PRLHR: variants seen among roughly 807,000 people sequenced by gnomAD.
The protein encoded by PRLHR is prolactin-releasing peptide receptor.
In PRLHR, 10 loss-of-function variants were observed where a neutral mutation model predicts 9.3. That is an observed-to-expected ratio of 1.08 (90% CI 0.66 to 1.82). PRLHR has a LOEUF of 1.82. Among genes scored for constraint, PRLHR ranks in the 40% most tolerant of loss-of-function variants. The probability of loss-of-function intolerance (pLI) is 0.00; values close to 1 mark genes in which losing one functional copy is unlikely to be tolerated. For missense variants in PRLHR, 589 were observed against 512.0 expected, an observed-to-expected ratio of 1.15 and a Z score of -1.45; for synonymous variants, 261 against 249.3, an observed-to-expected ratio of 1.05 and a Z score of -0.44.
rs115109981 is a variant in PRLHR at position 118,591,268 on chromosome 10, C to G, written c.*2864G>C. The G allele has an allele frequency of 0.041, 6,167 of 152,006 alleles. 166 individuals carry two copies. Among genetic ancestry groups the G allele is most frequent in the South Asian group, 0.063 (304 of 4,808 alleles). The allele number at this position is 152,006 out of a possible 1,614,324, so 9.4% of individuals were successfully genotyped here. A position where few individuals can be genotyped will look rare whatever the true frequency, so the allele number is the denominator to read the frequency against. On this transcript the variant is annotated 3_prime_UTR_variant, in exon 2 of 2. Coordinates refer to ENST00000239032, the MANE Select transcript of PRLHR (RefSeq NM_004248.3). ...GACCACAGGTGTGCACCACCACGTCCGGCTATTTTTTGTAGAGATGGAGTT... is the reference window on the plus strand; with the variant it reads ...GACCACAGGTGTGCACCACCACGTCGGGCTATTTTTTGTAGAGATGGAGTT...
Position 118,595,137 on chromosome 10 carries a change from G to T in PRLHR, c.108C>A (p.Asn36Lys). ...GAGCGTCCGCGCCAGCCACCGACCC[G>T]TTGCCCGCCGAGGCCTCTGCGCTCT... is the stretch of plus-strand genomic sequence containing the variant. Reference protein sequence around the residue: ...ANQSAEASAGNGSVAGADAPA... With the variant: ...ANQSAEASAGKGSVAGADAPA... Residue 36 changes from asparagine to lysine, a missense_variant, in exon 2 of 2, where the codon AAC (asparagine) becomes AAA (lysine). Physicochemically the swap from Asn to Lys is moderately conservative, Grantham distance 94 (BLOSUM62 0). Transcript: ENST00000239032. The T allele has an allele frequency of 1.3e-6, 2 of 1,598,726 alleles. No individual in the cohort carries two copies. The highest frequency in any genetic ancestry group is 1.7e-6 in the Non-Finnish European group (2 of 1,175,658).
In PRLHR at chr10:118,595,093, T is replaced by C. The variant is rs770345099; in HGVS notation, c.152A>G (p.Gln51Arg). The stretch of plus-strand genomic sequence containing the variant: ...CAGCTGATGCACCAGCTGCAGGCTC[T>C]GGAAGGGCGTGACGGCTGGAGCGTC... Reference protein sequence around the residue: ...GADAPAVTPFQSLQLVHQLKG... With the variant: ...GADAPAVTPFRSLQLVHQLKG... The change falls in exon 2 of 2, where the codon CAG (glutamine) becomes CGG (arginine). Residue 51 changes from glutamine to arginine, a missense_variant. By Grantham distance (43) the Gln-to-Arg change is conservative. Coordinates refer to ENST00000239032, the MANE Select transcript of PRLHR (RefSeq NM_004248.3). 1.3e-5 allele frequency: 21 copies of C among 1,605,410 alleles called. No individual in the cohort carries two copies. In the South Asian group the frequency reaches 2.2e-4, roughly 17 times the overall value.
Position 118,592,812 on chromosome 10 carries a change from C to T in PRLHR, c.*1320G>A, listed in dbSNP as rs1003606369. 1 of 152,180 alleles carries T rather than the reference C, an allele frequency of 6.6e-6. No individual in the cohort carries two copies. The highest frequency in any genetic ancestry group is 2.1e-4 in the South Asian group (1 of 4,826). 9.4% of individuals were successfully genotyped at this position (152,180 alleles called of 1,614,324 possible). On this transcript the variant is annotated 3_prime_UTR_variant, in exon 2 of 2. Transcript: ENST00000239032. Reference sequence around the variant, plus strand: ...TCAGTGAGCTGGGAAAGTAGTTGAACCCTACAGATGGTGACTGAGTTACTG... The same window carrying T: ...TCAGTGAGCTGGGAAAGTAGTTGAATCCTACAGATGGTGACTGAGTTACTG...
In PRLHR at chr10:118,594,351, G is replaced by T; in HGVS notation, c.894C>A (p.Asn298Lys). Residue 298 changes from asparagine to lysine, a missense_variant, in exon 2 of 2, where the codon AAC (asparagine) becomes AAA (lysine). By Grantham distance (94) the Asn-to-Lys change is moderately conservative (BLOSUM62 0). Transcript: ENST00000239032. Reference protein sequence around the residue: ...AVCWLPLHVFNLLRDLDPHAI... With the variant: ...AVCWLPLHVFKLLRDLDPHAI... Reference sequence around the variant, plus strand: ...CGTGGGGGTCGAGGTCCCGCAGCAGGTTGAAGACGTGCAGCGGCAGCCAGC... The same window carrying T: ...CGTGGGGGTCGAGGTCCCGCAGCAGTTTGAAGACGTGCAGCGGCAGCCAGC... 1 of 1,600,842 alleles carries T rather than the reference G, an allele frequency of 6.2e-7. No homozygotes were observed.
Position 118,594,262 on chromosome 10 carries a change from G to A in PRLHR, c.983C>T (p.Ala328Val), listed in dbSNP as rs370359559. The change falls in exon 2 of 2, where the codon GCC becomes GTC. Residue 328 changes from alanine (A) to valine (V), a missense_variant. By Grantham distance (64) the Ala-to-Val change is moderately conservative (BLOSUM62 0). Coordinates refer to ENST00000239032, the MANE Select transcript of PRLHR (RefSeq NM_004248.3). ...LLCHWLAMSS[A>V]CYNPFIYAWL... ...GGCGTAGATGAAGGGGTTGTAGCAGGCCGAACTCATGGCGAGCCAGTGGCA... is the reference window on the plus strand; with the variant it reads ...GGCGTAGATGAAGGGGTTGTAGCAGACCGAACTCATGGCGAGCCAGTGGCA... 1.9e-6 allele frequency: 3 copies of A among 1,605,684 alleles called. No individual in the cohort carries two copies. The highest frequency in any genetic ancestry group is 1.7e-6 in the Non-Finnish European group (2 of 1,176,618).
chr10:118,594,120 G>A lies in PRLHR; in HGVS notation c.*12C>T, dbSNP rs150773080. 4.7e-4 allele frequency: 710 copies of A among 1,517,600 alleles called. 5 individuals are homozygous for A. In the African/African-American group the frequency reaches 9.1e-3, roughly 19 times the overall value. The allele number at this position is 1,517,600 out of a possible 1,614,324, so 94.0% of individuals were successfully genotyped here. On this transcript the variant is annotated 3_prime_UTR_variant, in exon 2 of 2. Coordinates refer to ENST00000239032, the MANE Select transcript of PRLHR (RefSeq NM_004248.3). ...AAGTGGAGCTCCTTGACCAAGGCCTGGCTAAGTGGCATCAGATGACCACGC... is the reference window on the plus strand; with the variant it reads ...AAGTGGAGCTCCTTGACCAAGGCCTAGCTAAGTGGCATCAGATGACCACGC...
rs769825620 is a variant in PRLHR, at chr10:118,590,766, G to A, written c.*3366C>T. ...TCACCTCTGATTTTTTTGAAATTCG[G>A]TTTGATTTATAAACTAGTCCACAAC... On this transcript the variant is annotated 3_prime_UTR_variant, in exon 2 of 2. Transcript: ENST00000239032. The A allele has an allele frequency of 2.0e-5, 3 of 152,276 alleles. No individual in the cohort carries two copies. In the East Asian group the frequency reaches 5.8e-4, roughly 29 times the overall value. The allele number at this position is 152,276 out of a possible 1,614,324, so 9.4% of individuals were successfully genotyped here.
Position 118,594,650 on chromosome 10 carries a change from A to AG in PRLHR, c.594dup (p.Tyr199LeufsTer208), listed in dbSNP as rs1844470042. ...TCGTGCGGCTTGAGCTCCACGTGAT[A>AG]GGTGTGCACGGCGGCGGGCAGCGCC... On this transcript the variant is annotated frameshift_variant, in exon 2 of 2. Coordinates refer to ENST00000239032, the MANE Select transcript of PRLHR (RefSeq NM_004248.3). LOFTEE classifies it low-confidence loss of function (END_TRUNC). 1.3e-6 allele frequency: 2 copies of AG among 1,586,256 alleles called. No homozygotes were observed. The highest frequency in any genetic ancestry group is 1.3e-5 in the African/African-American group (1 of 74,620).
Position 118,595,638 on chromosome 10 carries a change from C to A in PRLHR, c.-129G>T, listed in dbSNP as rs1172383269. 1 of 171,096 alleles carries A rather than the reference C, an allele frequency of 5.8e-6. No homozygotes were observed. The highest frequency in any genetic ancestry group is 2.4e-5 in the African/African-American group (1 of 42,164). 10.6% of individuals were successfully genotyped at this position (171,096 alleles called of 1,614,324 possible). ...GTCTCGCTTCTCCGCGGGAGCTGAA[C>A]GGATCCAAATGTTTCCCAGTGGGCT... On this transcript the variant is annotated 5_prime_UTR_variant, in exon 1 of 2. Transcript: ENST00000239032.
At position 118,594,024 on chromosome 10, in the gene PRLHR, T is replaced by G; in HGVS notation, c.*108A>C. The G allele has an allele frequency of 7.0e-7, 1 of 1,436,016 alleles. No individual in the cohort carries two copies. The highest frequency in any genetic ancestry group is 9.2e-7 in the Non-Finnish European group (1 of 1,090,220). 89.0% of individuals were successfully genotyped at this position (1,436,016 alleles called of 1,614,324 possible). A position where few individuals can be genotyped will look rare whatever the true frequency, so the allele number is the denominator to read the frequency against. ...CTGGGCTGGAAATGTTGCCCTATGT[T>G]GGCTTAGCTAGCTCTGGTGCTGAGA... On this transcript the variant is annotated 3_prime_UTR_variant, in exon 2 of 2. Transcript: ENST00000239032.
chr10:118,593,852 T>C lies in PRLHR; in HGVS notation c.*280A>G. The C allele has an allele frequency of 3.0e-6, 1 of 328,436 alleles. No individual in the cohort carries two copies. Among genetic ancestry groups the C allele is most frequent in the Non-Finnish European group, 5.1e-6 (1 of 195,876 alleles). The allele number at this position is 328,436 out of a possible 1,614,324, so 20.3% of individuals were successfully genotyped here. On this transcript the variant is annotated 3_prime_UTR_variant, in exon 2 of 2. Coordinates refer to ENST00000239032, the MANE Select transcript of PRLHR (RefSeq NM_004248.3). Reference sequence around the variant, plus strand: ...CTTTTCTGAACGTGGAGAAAAAGTTTTGTTTGTCCTTCAAGGGCATAAAGA... The same window carrying C: ...CTTTTCTGAACGTGGAGAAAAAGTTCTGTTTGTCCTTCAAGGGCATAAAGA...
chr10:118,590,625 T>A lies in PRLHR; in HGVS notation c.*3507A>T, dbSNP rs1844424236. 1 of 152,210 alleles carries A rather than the reference T, an allele frequency of 6.6e-6. No homozygotes were observed. Among genetic ancestry groups the A allele is most frequent in the Non-Finnish European group, 1.5e-5 (1 of 68,038 alleles). The allele number at this position is 152,210 out of a possible 1,614,324, so 9.4% of individuals were successfully genotyped here. A position where few individuals can be genotyped will look rare whatever the true frequency, so the allele number is the denominator to read the frequency against. ...TGGCTCAGTTCCCAGCCTGACTGCC[T>A]GTATTACTCCTTGCAGGAAGAGGAC... On this transcript the variant is annotated 3_prime_UTR_variant, in exon 2 of 2. Transcript: ENST00000239032.
At position 118,593,979 on chromosome 10, in the gene PRLHR, C is replaced by T. The variant is rs1422045460; in HGVS notation, c.*153G>A. On this transcript the variant is annotated 3_prime_UTR_variant, in exon 2 of 2. Coordinates refer to ENST00000239032, the MANE Select transcript of PRLHR (RefSeq NM_004248.3). ...ATTTTACAAACACACAAGGACAAGA[C>T]AGACAGCCGGACAAGAGGGCTGGGC... The T allele has an allele frequency of 3.2e-6, 4 of 1,262,134 alleles. No individual in the cohort carries two copies. Among genetic ancestry groups the T allele is most frequent in the Non-Finnish European group, 4.1e-6 (4 of 970,508 alleles). 78.2% of individuals were successfully genotyped at this position (1,262,134 alleles called of 1,614,324 possible). A position where few individuals can be genotyped will look rare whatever the true frequency, so the allele number is the denominator to read the frequency against.
rs1468621831 is a variant in PRLHR at position 118,594,265 on chromosome 10, G to A, written c.980C>T (p.Ser327Leu). ...QLLCHWLAMS[S>L]ACYNPFIYAW... The stretch of plus-strand genomic sequence containing the variant: ...GTAGATGAAGGGGTTGTAGCAGGCC[G>A]AACTCATGGCGAGCCAGTGGCAGAG... Residue 327 changes from serine to leucine, a missense_variant, in exon 2 of 2, where the codon TCG (serine) becomes TTG (leucine). Transcript: ENST00000239032. The A allele has an allele frequency of 1.2e-6, 2 of 1,605,906 alleles. No homozygotes were observed. Among genetic ancestry groups the A allele is most frequent in the East Asian group, 2.2e-5 (1 of 44,814 alleles).
At position 118,590,230 on chromosome 10, in the gene PRLHR, G is replaced by A. The variant is rs547162595; in HGVS notation, c.*3902C>T. ...TCCCAGATCTAGCCACACTCTTGAG[G>A]TTAGTTTTGTGCCTTGCATTTGAAA... is the stretch of plus-strand genomic sequence containing the variant. On this transcript the variant is annotated 3_prime_UTR_variant, in exon 2 of 2. Coordinates refer to ENST00000239032, the MANE Select transcript of PRLHR (RefSeq NM_004248.3). The A allele has an allele frequency of 1.3e-5, 2 of 152,344 alleles. No individual in the cohort carries two copies. The highest frequency in any genetic ancestry group is 4.1e-4 in the South Asian group (2 of 4,826). The allele number at this position is 152,344 out of a possible 1,614,324, so 9.4% of individuals were successfully genotyped here.
At position 118,595,007 on chromosome 10, in the gene PRLHR, G is replaced by C; in HGVS notation, c.238C>G (p.Leu80Val). The stretch of plus-strand genomic sequence containing the variant: ...ACCCGCGCGATCACCAGCACCAGCA[G>C]GCAGTTGCCCACCAGCCCCACGACC... ...VVVVGLVGNC[L>V]LVLVIARVRR... Residue 80 changes from leucine to valine, a missense_variant, in exon 2 of 2, where the codon CTG becomes GTG. By Grantham distance (32) the Leu-to-Val change is conservative. Transcript: ENST00000239032. 1 of 1,613,242 alleles carries C rather than the reference G, an allele frequency of 6.2e-7. No individual in the cohort carries two copies. Among genetic ancestry groups the C allele is most frequent in the Non-Finnish European group, 8.5e-7 (1 of 1,179,646 alleles).
chr10:118,593,901 C>G lies in PRLHR; in HGVS notation c.*231G>C. On this transcript the variant is annotated 3_prime_UTR_variant, in exon 2 of 2. Transcript: ENST00000239032. ...GAAGAAATAAGAAATCCTCTTCCCT[C>G]TCTTTGGCCTCCCCCAAGCAAAGAG... 1.7e-6 allele frequency: 1 copy of G among 572,394 alleles called. No homozygotes were observed. The highest frequency in any genetic ancestry group is 9.0e-5 in the South Asian group (1 of 11,130). The allele number at this position is 572,394 out of a possible 1,614,324, so 35.5% of individuals were successfully genotyped here. A position where few individuals can be genotyped will look rare whatever the true frequency, so the allele number is the denominator to read the frequency against.
Position 118,595,605 on chromosome 10 carries a change from G to A in PRLHR, c.-96C>T, listed in dbSNP as rs1409270187. 5.2e-6 allele frequency: 1 copy of A among 190,812 alleles called. No individual in the cohort carries two copies. The highest frequency in any genetic ancestry group is 2.3e-5 in the African/African-American group (1 of 42,916). 11.8% of individuals were successfully genotyped at this position (190,812 alleles called of 1,614,324 possible). On this transcript the variant is annotated 5_prime_UTR_variant, in exon 1 of 2. Transcript: ENST00000239032. ...CCTCGGTAGTCCTCTGCCCACGTCGGTGATCCGGTCTCGCTTCTCCGCGGG... is the reference window on the plus strand; with the variant it reads ...CCTCGGTAGTCCTCTGCCCACGTCGATGATCCGGTCTCGCTTCTCCGCGGG...
In PRLHR at chr10:118,594,673, G is replaced by A. The variant is rs768116845; in HGVS notation, c.572C>T (p.Ala191Val). 67 of 1,585,854 alleles carry A rather than the reference G, an allele frequency of 4.2e-5. No homozygotes were observed. The highest frequency in any genetic ancestry group is 1.7e-4 in the Middle Eastern group (1 of 6,024). The change falls in exon 2 of 2, where the codon GCG becomes GTG. Residue 191 changes from alanine (A) to valine (V), a missense_variant. Transcript: ENST00000239032. ...LAIWALSAVL[A>V]LPAAVHTYHV... ...ATAGGTGTGCACGGCGGCGGGCAGC[G>A]CCAGCACCGCGGACAGCGCCCAGAT... is the stretch of plus-strand genomic sequence containing the variant.
Sources: gnomAD v4.1 joint callset for allele counts on GRCh38, gnomAD v4.1.1 for gene constraint, MANE v1.5 for transcripts, NCBI Gene and HGNC (gene_info 2026-07-23, HGNC 2026-07-21) for gene names.